Variants in SYS1 observed in about 807,000 individuals in gnomAD.
SYS1 encodes the protein SYS1 golgi trafficking protein.
SYS1 carries 8 observed loss-of-function variants against 17.8 expected under a neutral mutation model. That is an observed-to-expected ratio of 0.45 (90% CI 0.26 to 0.81). The LOEUF is 0.81. SYS1 is among the 40% of genes least tolerant of loss of function. The pLI is 0.16. For missense variants in SYS1, 161 were observed against 203.9 expected (o/e 0.79, Z 1.28); for synonymous variants, 95 against 90.9 (o/e 1.05, Z -0.26).
chr20:45,366,796 T>A, intron 3 of SYS1, 79 bp from the exon 4 acceptor site: 1 of 1,184,600 alleles, frequency 8.4e-7, no homozygotes, highest in Non-Finnish European at 1.2e-6. Flanking sequence ...TATGCTGCCG[T>A]CCTAATTGTC....
upstream of SYS1, chr20:45,363,132 C>G (rs1988275398): frequency 9.8e-7 from 1 of 1,017,824 alleles, no homozygotes; most frequent in Admixed American, 5.4e-5. Context: ...CCCCGCCCCT[C>G]CGCTGCTTTC....
At chr20:45,371,583 T>C (rs1221015068), downstream of SYS1, among the ~76,000 whole-genome samples, 1 of 152,232 alleles carries the variant, frequency 6.6e-6, no homozygotes, top group Non-Finnish European at 1.5e-5. Context: ...CATTACAAAG[T>C]TGGTAAGAAG....
chr20:45,366,773 C>T, intron 3 of SYS1, 102 bp from the exon 4 acceptor site: 1 of 959,562 alleles, frequency 1.0e-6, no homozygotes. Context: ...CTTATCTCGT[C>T]ACTTCTGACC....
At chr20:45,362,036 T>G, upstream of SYS1, 3 of 985,072 alleles carry the variant, frequency 3.0e-6, no homozygotes, top group Non-Finnish European at 3.6e-6. Flanking sequence ...ATAAGTGAGT[T>G]ATCGATTTGC....
chr20:45,375,054 C>T, exon 4 of SYS1: 1 of 1,613,798 alleles, frequency 6.2e-7, no homozygotes, highest in South Asian at 1.1e-5. Context: ...ATGGATGCCA[C>T]ATAGGCATTT....
rs1988495015 is a variant in SYS1, at chr20:45,368,771, A to T, written c.*1656A>T. The T allele has an allele frequency of 4.2e-5, 41 of 985,256 alleles. No individual in the cohort carries two copies. Among genetic ancestry groups the T allele is most frequent in the Non-Finnish European group, 4.8e-5 (40 of 829,928 alleles). 61.0% of individuals were successfully genotyped at this position (985,256 alleles called of 1,614,324 possible). On this transcript the variant is annotated 3_prime_UTR_variant, in exon 4 of 4. Coordinates refer to ENST00000243918, the MANE Select transcript of SYS1 (RefSeq NM_033542.4). ...CAGCTGGGATGACCTTCCCTGGGTT[A>T]ATCAATTTCCCTCTAGACAACACAA...
At position 45,375,200 on chromosome 20, in the gene SYS1, C is replaced by T. The variant is rs779629018; in HGVS notation, c.*906C>T. 12 of 1,614,082 alleles carry T rather than the reference C, an allele frequency of 7.4e-6. No individual in the cohort carries two copies. In the East Asian group the frequency reaches 2.7e-4, roughly 36 times the overall value. ...AACCAGATCCACTGGTCGGCTACAT[C>T]CAGCTGCTTCATGTGCCCCATGGGA... On this transcript the variant is annotated 3_prime_UTR_variant, in exon 4 of 4. Transcript: ENST00000426004.
At chr20:45,365,418 C>T (rs1988378163) in intron 2 of SYS1, 3 of 704,894 alleles carry the variant, frequency 4.3e-6, no homozygotes, top group Non-Finnish European at 5.2e-6. Context: ...TAATCCCTTT[C>T]CACCTGCTGT....
At chr20:45,376,277 C>T (rs977813991) in exon 4 of SYS1, 2 of 152,340 alleles carry the variant, frequency 1.3e-5, no homozygotes, top group Middle Eastern at 3.4e-3. Flanking sequence ...CTGCAAACCC[C>T]CAGTGGCAAC....
At chr20:45,365,412 C>T (rs2145352285) in intron 2 of SYS1, 1 of 688,782 alleles carries the variant, frequency 1.5e-6, no homozygotes, top group Non-Finnish European at 2.7e-6. Context: ...TGAGAATAAT[C>T]CCTTTCCACC....
At chr20:45,373,783 G>T, downstream of SYS1, 2 of 884,092 alleles carry the variant, frequency 2.3e-6, no homozygotes, top group Non-Finnish European at 3.6e-6. Context: ...CGGGGTGGGG[G>T]TGGGGGAAGC....
intron 2 of SYS1, among the ~76,000 whole-genome samples, chr20:45,364,308 C>T (rs1016240067): frequency 1.3e-5 from 2 of 151,784 alleles, no homozygotes; most frequent in Non-Finnish European, 2.9e-5. Context: ...TGAGCCTTTT[C>T]TGAAAAGTGG....
At chr20:45,370,817 G>A (rs1402157433), downstream of SYS1, among the ~76,000 whole-genome samples, 1 of 152,206 alleles carries the variant, frequency 6.6e-6, no homozygotes, top group Non-Finnish European at 1.5e-5. Flanking sequence ...TAGGGCAGAG[G>A]AGTAGGGATG....
rs1242955955 is a variant in SYS1 at position 45,375,440 on chromosome 20, T to C, written c.*1146T>C. On this transcript the variant is annotated 3_prime_UTR_variant, in exon 4 of 4. Coordinates refer to the SYS1 transcript ENST00000426004. ...GACTTCCACTCCTTGTACTCTTTTTTCTTAGGGTCCCCTGTGGACTCTAAT... is the reference window on the plus strand; with the variant it reads ...GACTTCCACTCCTTGTACTCTTTTTCCTTAGGGTCCCCTGTGGACTCTAAT... 6 of 1,614,186 alleles carry C rather than the reference T, an allele frequency of 3.7e-6. No individual in the cohort carries two copies. Among genetic ancestry groups the C allele is most frequent in the Non-Finnish European group, 5.1e-6 (6 of 1,180,036 alleles).
At chr20:45,374,110 G>A, downstream of SYS1, 1 of 1,149,770 alleles carries the variant, frequency 8.7e-7, no homozygotes. Context: ...GTGGTGTCTG[G>A]TAGGTTGGAA....
intron 2 of SYS1, 167 bp from the exon 3 acceptor site, chr20:45,365,452 T>C: frequency 1.3e-6 from 1 of 767,672 alleles, no homozygotes; most frequent in Non-Finnish European, 2.4e-6. Context: ...AATCCCATAA[T>C]GGATGTCTAT....
rs531742514 is a variant in SYS1, at chr20:45,363,926, C to G, written c.162+233C>G. Reference sequence around the variant, plus strand: ...TTAATACAATAAACACGTCTGTGTTCCAGGCAACTCTGATACATTTCCTTT... The same window carrying G: ...TTAATACAATAAACACGTCTGTGTTGCAGGCAACTCTGATACATTTCCTTT... On this transcript the variant is annotated intron_variant, in intron 2 of 3. Coordinates refer to ENST00000243918, the MANE Select transcript of SYS1 (RefSeq NM_033542.4). Among the ~76,000 whole-genome samples, 7 of 152,300 alleles carry G rather than the reference C, an allele frequency of 4.6e-5. No homozygotes were observed. In the South Asian group the frequency reaches 1.2e-3, roughly 27 times the overall value.
In SYS1 at chr20:45,363,264, G is replaced by T. The variant is rs761306615; in HGVS notation, c.-55G>T. The T allele has an allele frequency of 1.3e-3, 1,615 of 1,218,700 alleles. 2 individuals are homozygous for T. Among genetic ancestry groups the T allele is most frequent in the Non-Finnish European group, 1.6e-3 (1,526 of 971,882 alleles). 75.5% of individuals were successfully genotyped at this position (1,218,700 alleles called of 1,614,324 possible). On this transcript the variant is annotated 5_prime_UTR_variant, in exon 1 of 4. Coordinates refer to ENST00000243918, the MANE Select transcript of SYS1 (RefSeq NM_033542.4). Reference sequence around the variant, plus strand: ...TCTGTCAGCGCTGTTTTGGGAGCCCGCCGGTGAGGCCGGGCCACGCTCAGA... The same window carrying T: ...TCTGTCAGCGCTGTTTTGGGAGCCCTCCGGTGAGGCCGGGCCACGCTCAGA...
intron 2 of SYS1, 97 bp downstream of exon 2, chr20:45,363,790 C>A: frequency 7.6e-7 from 1 of 1,311,818 alleles, no homozygotes; most frequent in Non-Finnish European, 1.0e-6. Context: ...GGGTCACCTT[C>A]TTTCTTTGTA....
Sources: gnomAD v4.1 joint callset for allele counts (sites outside exome capture counted in the v4.1 genomes callset) on GRCh38, gnomAD v4.1.1 for gene constraint, MANE v1.5 for transcripts, NCBI Gene and HGNC (gene_info 2026-07-23, HGNC 2026-07-21) for gene names.